The following DOK6 variants were observed in gnomAD, a reference collection of about 807,000 sequenced individuals.
DOK6 encodes downstream of tyrosine kinase 6.
Under a neutral mutation model 44.0 loss-of-function variants are expected in DOK6, and 22 were observed. The ratio of observed to expected loss-of-function variants is 0.50; its 90% CI spans 0.36 to 0.71. The LOEUF (loss-of-function observed/expected upper bound fraction) is 0.71, where lower values mean the gene tolerates loss of function less well. Ranked by LOEUF, DOK6 falls within the 30% of genes least tolerant of loss-of-function variation. The pLI, the probability that DOK6 is intolerant of heterozygous loss-of-function variation, is 0.00. For missense variants in DOK6, 340 were observed against 416.4 expected (o/e 0.82, Z 1.60); for synonymous variants, 166 against 145.5 (o/e 1.14, Z -1.01).
intron 5 of DOK6, among the ~76,000 whole-genome samples, chr18:69,719,936 A>T (rs1016001179): frequency 6.6e-6 from 1 of 152,136 alleles, no homozygotes; most frequent in African/African-American, 2.4e-5. Context: ...AAATCACCGA[A>T]TCATGCACTT....
chr18:69,735,364 T>C (rs1978569204), intron 5 of DOK6, among the ~76,000 whole-genome samples: 2 of 152,230 alleles, frequency 1.3e-5, no homozygotes, highest in African/African-American at 4.8e-5. Context: ...AATACTCCTC[T>C]AGAAGACTCA....
At position 69,512,944 on chromosome 18, in the gene DOK6, G is replaced by A. The variant is rs182213547; in HGVS notation, c.67-51543G>A. Among the ~76,000 whole-genome samples the A allele has an allele frequency of 2.8e-3, 426 of 152,086 alleles. 1 individual carries two copies. Among genetic ancestry groups the A allele is most frequent in the African/African-American group, 9.8e-3 (408 of 41,480 alleles). On this transcript the variant is annotated intron_variant, in intron 1 of 7. Transcript: ENST00000382713. ...TCTGGTATTCCAGATGTCACATTTC[G>A]TTAGTGTGAATATGTATCACTGGAG...
intron 1 of DOK6, among the ~76,000 whole-genome samples, chr18:69,431,265 A>G (rs376367169): frequency 6.6e-6 from 1 of 152,178 alleles, no homozygotes; most frequent in African/African-American, 2.4e-5. Flanking sequence ...GTGTAAACTG[A>G]GAGTCCTTTT....
chr18:69,504,286 T>C (rs529476496), intron 1 of DOK6, among the ~76,000 whole-genome samples: 2 of 152,198 alleles, frequency 1.3e-5, no homozygotes, highest in East Asian at 1.9e-4. Flanking sequence ...TAAGTCTTAA[T>C]TGAAACTGTC....
chr18:69,823,625 TTG>T (rs72248499), intron 7 of DOK6, among the ~76,000 whole-genome samples: 36,196 of 146,418 alleles, frequency 0.25, 4,553 homozygotes, highest in Middle Eastern at 0.45. Context: ...GTGTGTGTGT[TTG>T]TGTGTGTGTG....
At chr18:69,656,741 T>C (rs974762406) in intron 3 of DOK6, among the ~76,000 whole-genome samples, 1 of 152,238 alleles carries the variant, frequency 6.6e-6, no homozygotes, top group Non-Finnish European at 1.5e-5. Context: ...TCTAAGATCA[T>C]TGTATTTTTT....
chr18:69,675,677 G>GA (rs931510940), intron 3 of DOK6, among the ~76,000 whole-genome samples: 6 of 151,546 alleles, frequency 4.0e-5, no homozygotes, highest in African/African-American at 1.5e-4. Context: ...ATAAAAAAAA[G>GA]AAAAAAAGAA....
intron 1 of DOK6, among the ~76,000 whole-genome samples, chr18:69,528,952 C>T (rs1981911894): frequency 6.6e-6 from 1 of 152,126 alleles, no homozygotes; most frequent in Admixed American, 6.5e-5. Context: ...TCAAGAACTC[C>T]ATAAATCACC....
intron 3 of DOK6, among the ~76,000 whole-genome samples, chr18:69,629,785 TTTTGTTTGTTTG>T (rs147380862): frequency 0.093 from 14,056 of 151,802 alleles, 981 homozygotes; most frequent in East Asian, 0.41. Flanking sequence ...GTTTGTTTGT[TTTTGTTTGTTTG>T]TTTGTTTGTT....
chr18:69,765,252 G>C (rs1979682457), intron 7 of DOK6, among the ~76,000 whole-genome samples: 1 of 152,092 alleles, frequency 6.6e-6, no homozygotes, highest in South Asian at 2.1e-4. Flanking sequence ...AAAAAATATA[G>C]AAATTTGCAA....
intron 1 of DOK6, among the ~76,000 whole-genome samples, chr18:69,413,729 AG>A (rs1978316134): frequency 6.6e-6 from 1 of 151,930 alleles, no homozygotes; most frequent in African/African-American, 2.4e-5. Flanking sequence ...GATCCATAAA[AG>A]GAAATATTGA....
intron 1 of DOK6, among the ~76,000 whole-genome samples, chr18:69,500,243 G>A (rs150728447): frequency 3.7e-4 from 57 of 152,168 alleles, no homozygotes; most frequent in East Asian, 2.9e-3. Context: ...AGTATTCTCC[G>A]CCTCTGCTTT....
At chr18:69,584,935 T>C (rs926000873) in intron 2 of DOK6, among the ~76,000 whole-genome samples, 1 of 152,094 alleles carries the variant, frequency 6.6e-6, no homozygotes, top group African/African-American at 2.4e-5. Context: ...CATCCTGTAC[T>C]TGATTTATTC....
intron 1 of DOK6, among the ~76,000 whole-genome samples, chr18:69,416,259 A>G (rs771876129): frequency 6.6e-6 from 1 of 152,090 alleles, no homozygotes; most frequent in Non-Finnish European, 1.5e-5. Flanking sequence ...AGGAACAAAC[A>G]TGTCCTTAAA....
intron 7 of DOK6, among the ~76,000 whole-genome samples, chr18:69,829,254 T>TA (rs34565909): frequency 0.012 from 1,719 of 148,638 alleles, 10 homozygotes; most frequent in African/African-American, 0.015. Context: ...GTTCCTTAAT[T>TA]AAAAAAAAAA....
chr18:69,544,535 C>A (rs1237035303), intron 1 of DOK6, among the ~76,000 whole-genome samples: 1 of 151,472 alleles, frequency 6.6e-6, no homozygotes, highest in Admixed American at 6.6e-5. Context: ...TCATGAATGT[C>A]ACAAGTTCCA....
chr18:69,802,481 G>A (rs1228368677), intron 7 of DOK6, among the ~76,000 whole-genome samples: 1 of 152,060 alleles, frequency 6.6e-6, no homozygotes, highest in South Asian at 2.1e-4. Context: ...AATGCAAGAT[G>A]TTATGGTTTG....
At chr18:69,561,489 T>G (rs964174337) in intron 1 of DOK6, among the ~76,000 whole-genome samples, 22 of 152,134 alleles carry the variant, frequency 1.4e-4, no homozygotes, top group African/African-American at 5.3e-4. Context: ...TTTAAATACA[T>G]TTCACTTTGG....
chr18:69,612,113 C>T (rs1201827427), intron 3 of DOK6, among the ~76,000 whole-genome samples: 3 of 151,840 alleles, frequency 2.0e-5, no homozygotes, highest in Non-Finnish European at 2.9e-5. Context: ...TATCATTTCT[C>T]ATAACTACAT....
Sources: allele counts gnomAD v4.1 joint callset (sites outside exome capture counted in the v4.1 genomes callset), GRCh38; gene constraint gnomAD v4.1.1; transcripts MANE v1.5; gene names NCBI Gene and HGNC (gene_info 2026-07-23, HGNC 2026-07-21).